Variants in ZBTB32 observed in about 807,000 individuals in gnomAD.
ZBTB32 encodes the protein zinc finger and BTB domain-containing protein 32.
In ZBTB32, 28 loss-of-function variants were observed where a neutral mutation model predicts 45.3. That is an observed-to-expected ratio of 0.62 (90% CI 0.46 to 0.85). ZBTB32 has a LOEUF of 0.85. Among genes scored for constraint, ZBTB32 ranks in the 40% least tolerant of loss-of-function variants. The pLI is 0.00. For synonymous variants in ZBTB32, 283 were observed against 255.7 expected, an observed-to-expected ratio of 1.11 and a Z score of -1.02; for missense variants, 587 against 624.4, an observed-to-expected ratio of 0.94 and a Z score of 0.64.
chr19:35,716,074 C>T, intron 5 of ZBTB32, 59 bp from the exon 6 acceptor site: 1 of 1,611,542 alleles, frequency 6.2e-7, no homozygotes, highest in Non-Finnish European at 8.5e-7. Flanking sequence ...CTGAATGGTA[C>T]AGTGAGTTGG....
intron 1 of ZBTB32, among the ~76,000 whole-genome samples, chr19:35,710,436 G>C (rs1013723377): frequency 8.6e-5 from 13 of 152,038 alleles, no homozygotes; most frequent in Non-Finnish European, 1.2e-4. Context: ...AAGAGGAAGG[G>C]GGGGCAAGGT....
chr19:35,709,068 C>T (rs1433253566), intron 1 of ZBTB32, among the ~76,000 whole-genome samples: 1 of 152,162 alleles, frequency 6.6e-6, no homozygotes, highest in African/African-American at 2.4e-5. Context: ...GATCCGCTTG[C>T]CTCCACCTCC....
At chr19:35,716,395 C>T in intron 6 of ZBTB32, 83 bp from the exon 7 acceptor site, 1 of 1,588,094 alleles carries the variant, frequency 6.3e-7, no homozygotes, top group Admixed American at 1.7e-5. Context: ...TCCCCTAGCC[C>T]CGTGGCCCGA....
chr19:35,706,125 G>A (rs1303968121), intron 1 of ZBTB32, among the ~76,000 whole-genome samples: 1 of 151,552 alleles, frequency 6.6e-6, no homozygotes, highest in Non-Finnish European at 1.5e-5. Flanking sequence ...CTACTAGGGA[G>A]GCTGAGGCAG....
Position 35,716,022 on chromosome 19 carries a change from G to A in ZBTB32, c.1024+15G>A. On this transcript the variant is annotated intron_variant, in intron 5 of 6. Coordinates refer to ENST00000392197, the MANE Select transcript of ZBTB32 (RefSeq NM_014383.3). Reference sequence around the variant, plus strand: ...GGGGCACACAGGTGAGTCGGGCGGGGGCACTCGTGCCTCAGCCCCACTGTA... The same window carrying A: ...GGGGCACACAGGTGAGTCGGGCGGGAGCACTCGTGCCTCAGCCCCACTGTA... 1 of 1,611,280 alleles carries A rather than the reference G, an allele frequency of 6.2e-7. No homozygotes were observed. The highest frequency in any genetic ancestry group is 8.5e-7 in the Non-Finnish European group (1 of 1,179,880).
At chr19:35,706,308 T>G (rs1282245467) in intron 1 of ZBTB32, among the ~76,000 whole-genome samples, 2 of 151,932 alleles carry the variant, frequency 1.3e-5, no homozygotes, top group African/African-American at 4.8e-5. Context: ...ATGCCTGTTC[T>G]GATAATTCCT....
intron 1 of ZBTB32, 112 bp from the exon 2 acceptor site, chr19:35,712,805 G>C (rs1279170582): frequency 6.6e-6 from 1 of 152,226 alleles, no homozygotes; most frequent in Non-Finnish European, 1.5e-5. Flanking sequence ...GTCATTCCCA[G>C]GCAGCAAATG....
At chr19:35,709,764 A>G (rs894799443) in intron 1 of ZBTB32, among the ~76,000 whole-genome samples, 6 of 152,030 alleles carry the variant, frequency 3.9e-5, no homozygotes, top group Admixed American at 6.6e-5. Flanking sequence ...CTGTGATCCC[A>G]GCTACTCGGG....
intron 1 of ZBTB32, among the ~76,000 whole-genome samples, chr19:35,707,820 A>G (rs577267116): frequency 6.6e-6 from 1 of 152,124 alleles, no homozygotes; most frequent in South Asian, 2.1e-4. Context: ...CATCTCTACT[A>G]AAAATACAAA....
intron 1 of ZBTB32, among the ~76,000 whole-genome samples, chr19:35,707,526 C>T (rs1243633268): frequency 2.6e-5 from 4 of 151,854 alleles, no homozygotes; most frequent in Admixed American, 6.6e-5. Context: ...CGTGCCACCA[C>T]GCCCAGCTAA....
In ZBTB32 at chr19:35,714,974, G is replaced by T; in HGVS notation, c.348G>T (p.Arg116Ser). The change falls in exon 3 of 7, where the codon AGG becomes AGT. Residue 116 changes from arginine (R) to serine (S), a missense_variant. By Grantham distance (110) the Arg-to-Ser change is moderately radical. Transcript: ENST00000392197. ...CATGCTGGAGGGCTCGAGGGGACAG[G>T]GCTAAAAAGCCAGATCCAGGCCTGA... ...EEACWRARGDRAKKPDPGLKK... is the reference protein window; with the variant it reads ...EEACWRARGDSAKKPDPGLKK... 1 of 1,600,742 alleles carries T rather than the reference G, an allele frequency of 6.2e-7. No individual in the cohort carries two copies. The highest frequency in any genetic ancestry group is 2.2e-5 in the East Asian group (1 of 44,748).
chr19:35,716,593 C>T lies in ZBTB32; in HGVS notation c.1305C>T (p.Ala435=), dbSNP rs772779062. The change falls in exon 7 of 7, where the codon GCC becomes GCT. Residue 435 remains alanine, a synonymous_variant. Coordinates refer to ENST00000392197, the MANE Select transcript of ZBTB32 (RefSeq NM_014383.3). ...CGTACCGCTGCTCCCTGTGCGGGGC[C>T]GGCTGTCCCAGCCTGGCCTCCATGC... The part of the protein sequence containing the change: ...AAPYRCSLCG[A]GCPSLASMQA... 1.2e-6 allele frequency: 2 copies of T among 1,613,176 alleles called. No homozygotes were observed. The highest frequency in any genetic ancestry group is 1.7e-6 in the Non-Finnish European group (2 of 1,179,922).
intron 1 of ZBTB32, among the ~76,000 whole-genome samples, chr19:35,709,737 G>C (rs1331206882): frequency 6.6e-6 from 1 of 151,864 alleles, no homozygotes; most frequent in Non-Finnish European, 1.5e-5. Flanking sequence ...AAATTAGCCG[G>C]GTTTGGTGAT....
chr19:35,716,610 C>T lies in ZBTB32; in HGVS notation c.1322C>T (p.Ala441Val), dbSNP rs752615122. The T allele has an allele frequency of 1.2e-5, 20 of 1,613,440 alleles. No homozygotes were observed. In the East Asian group the frequency reaches 4.2e-4, roughly 34 times the overall value. Residue 441 changes from alanine (A) to valine (V), a missense_variant, in exon 7 of 7, where the codon GCC (alanine) becomes GTC (valine). By Grantham distance (64) the Ala-to-Val change is moderately conservative (BLOSUM62 0). Transcript: ENST00000392197. ...SLCGAGCPSL[A>V]SMQAHMRGHS... ...TGCGGGGCCGGCTGTCCCAGCCTGG[C>T]CTCCATGCAGGCGCACATGCGCGGT...
rs769318349 is a variant in ZBTB32 at position 35,716,582 on chromosome 19, C to G, written c.1294C>G (p.Leu432Val). Residue 432 changes from leucine to valine, a missense_variant, in exon 7 of 7, where the codon CTG (leucine) becomes GTG (valine). Coordinates refer to ENST00000392197, the MANE Select transcript of ZBTB32 (RefSeq NM_014383.3). ...CGGGGCCGCTCCGTACCGCTGCTCC[C>G]TGTGCGGGGCCGGCTGTCCCAGCCT... The part of the protein sequence containing the change: ...THGAAPYRCS[L>V]CGAGCPSLAS... 2.5e-6 allele frequency: 4 copies of G among 1,613,268 alleles called. No homozygotes were observed. In the South Asian group the frequency reaches 4.4e-5, roughly 18 times the overall value.
chr19:35,704,800 C>T (rs909903405), intron 1 of ZBTB32, among the ~76,000 whole-genome samples, 177 bp downstream of exon 1: 1 of 152,242 alleles, frequency 6.6e-6, no homozygotes, highest in Non-Finnish European at 1.5e-5. Context: ...TCCTGGCCAC[C>T]TTTAGGCCTA....
At position 35,714,919 on chromosome 19, in the gene ZBTB32, G is replaced by A. The variant is rs773750022; in HGVS notation, c.293G>A (p.Arg98Lys). 5.7e-6 allele frequency: 9 copies of A among 1,582,294 alleles called. No individual in the cohort carries two copies. The highest frequency in any genetic ancestry group is 7.7e-6 in the Non-Finnish European group (9 of 1,164,094). Reference sequence around the variant, plus strand: ...CTAAGGCCCCTTCAGGAGGCGGCCAGGGCCTTGGGAGTGCAGTCCCTGGAA... The same window carrying A: ...CTAAGGCCCCTTCAGGAGGCGGCCAAGGCCTTGGGAGTGCAGTCCCTGGAA... ...GELRPLQEAA[R>K]ALGVQSLEEA... The change falls in exon 3 of 7, where the codon AGG becomes AAG. Residue 98 changes from arginine to lysine, a missense_variant. Coordinates refer to ENST00000392197, the MANE Select transcript of ZBTB32 (RefSeq NM_014383.3).
At chr19:35,714,362 G>A (rs1968792798) in intron 2 of ZBTB32, 161 bp from the exon 3 acceptor site, 1 of 353,304 alleles carries the variant, frequency 2.8e-6, no homozygotes, top group Non-Finnish European at 5.1e-6. Flanking sequence ...TGCTCTTTAA[G>A]TCCTGAATTT....
intron 1 of ZBTB32, among the ~76,000 whole-genome samples, chr19:35,710,235 G>T (rs1386855188): frequency 6.6e-6 from 1 of 151,872 alleles, no homozygotes; most frequent in Non-Finnish European, 1.5e-5. Context: ...AGTAATATAA[G>T]TATTAAAAAG....
Sources: allele counts gnomAD v4.1 joint callset (sites outside exome capture counted in the v4.1 genomes callset), GRCh38; gene constraint gnomAD v4.1.1; transcripts MANE v1.5; gene names NCBI Gene and HGNC (gene_info 2026-07-23, HGNC 2026-07-21).